Variants in MICU3 observed in about 807,000 individuals in gnomAD.
MICU3 encodes calcium uptake protein 3, mitochondrial.
In MICU3, 62 loss-of-function variants were observed where a neutral mutation model predicts 66.5. The observed-to-expected ratio is 0.93, with a 90% CI of 0.76 to 1.15. The LOEUF (loss-of-function observed/expected upper bound fraction) is 1.15, where lower values mean the gene tolerates loss of function less well. MICU3 is among the 50% of genes most tolerant of loss of function. The pLI, the probability that MICU3 is intolerant of heterozygous loss-of-function variation, is 0.00. For missense variants in MICU3, 779 were observed against 664.4 expected (o/e 1.17, Z -1.90); for synonymous variants, 308 against 240.7 (o/e 1.28, Z -2.59).
intron 1 of MICU3, among the ~76,000 whole-genome samples, chr8:17,056,298 C>T (rs999364685): frequency 4.6e-5 from 7 of 152,158 alleles, no homozygotes; most frequent in African/African-American, 1.7e-4. Flanking sequence ...TCTTTGTAAT[C>T]TCCTCTATTC....
At chr8:17,083,780 C>G (rs1182046188) in intron 5 of MICU3, among the ~76,000 whole-genome samples, 1 of 151,972 alleles carries the variant, frequency 6.6e-6, no homozygotes, top group Admixed American at 6.6e-5. Context: ...AGAGAGGGTG[C>G]AAAGGAGTGT....
At chr8:17,033,313 C>G (rs1013259288) in intron 1 of MICU3, among the ~76,000 whole-genome samples, 3 of 152,166 alleles carry the variant, frequency 2.0e-5, no homozygotes, top group Admixed American at 6.5e-5. Flanking sequence ...TGTGAACACA[C>G]AGATTATAAG....
At chr8:17,119,415 G>C (rs115462034) in intron 14 of MICU3, among the ~76,000 whole-genome samples, 1 of 151,732 alleles carries the variant, frequency 6.6e-6, no homozygotes, top group Admixed American at 6.6e-5. Flanking sequence ...ATAAAATTTT[G>C]GTCAGTTGTG....
At chr8:17,109,379 AC>A (rs1273600671) in intron 11 of MICU3, among the ~76,000 whole-genome samples, 1 of 152,168 alleles carries the variant, frequency 6.6e-6, no homozygotes, top group African/African-American at 2.4e-5. Flanking sequence ...GTACAAGGTT[AC>A]TAATTATAAT....
At chr8:17,035,621 GCTAT>G (rs1812839690) in intron 1 of MICU3, among the ~76,000 whole-genome samples, 1 of 152,164 alleles carries the variant, frequency 6.6e-6, no homozygotes, top group Non-Finnish European at 1.5e-5. Context: ...GATAATTTTG[GCTAT>G]CTGTTGGAAG....
At chr8:17,090,153 G>A (rs151168636) in intron 7 of MICU3, among the ~76,000 whole-genome samples, 21 of 152,114 alleles carry the variant, frequency 1.4e-4, no homozygotes, top group African/African-American at 4.8e-4. Context: ...CAGGATTCCA[G>A]CACAGGTCTC....
At chr8:17,046,356 A>T (rs537216022) in intron 1 of MICU3, among the ~76,000 whole-genome samples, 20 of 152,298 alleles carry the variant, frequency 1.3e-4, no homozygotes, top group Non-Finnish European at 5.9e-5. Context: ...ATTTGGTCAC[A>T]GAAGTCTTCT....
intron 1 of MICU3, among the ~76,000 whole-genome samples, chr8:17,035,027 C>A (rs117024524): frequency 1.3e-5 from 2 of 152,124 alleles, no homozygotes; most frequent in African/African-American, 4.8e-5. Context: ...GTTTTTCCCA[C>A]GCTGTCATCA....
At chr8:17,077,908 T>A in intron 4 of MICU3, 47 bp downstream of exon 4, 1 of 1,158,350 alleles carries the variant, frequency 8.6e-7, no homozygotes, top group Non-Finnish European at 1.2e-6. Flanking sequence ...ATATTATGTA[T>A]ACTATTTATA....
chr8:17,096,970 TG>T, intron 8 of MICU3, among the ~76,000 whole-genome samples: 1 of 149,840 alleles, frequency 6.7e-6, no homozygotes, highest in Non-Finnish European at 1.5e-5. Context: ...TGTGTGTGTG[TG>T]TGTGTGTGTG....
chr8:17,110,746 G>C (rs1054317080), intron 11 of MICU3, among the ~76,000 whole-genome samples: 1 of 151,474 alleles, frequency 6.6e-6, no homozygotes, highest in South Asian at 2.1e-4. Context: ...TGGGGAGGGG[G>C]GGGTAGAGAC....
At chr8:17,083,416 G>A (rs946254867) in intron 5 of MICU3, among the ~76,000 whole-genome samples, 1 of 152,052 alleles carries the variant, frequency 6.6e-6, no homozygotes, top group Non-Finnish European at 1.5e-5. Flanking sequence ...TCCTACAAAG[G>A]CAATCTAGTC....
rs75703787 is a variant in MICU3, at chr8:17,054,973, G to A, written c.382-9111G>A. On this transcript the variant is annotated intron_variant, in intron 1 of 14. Coordinates refer to ENST00000318063, the MANE Select transcript of MICU3 (RefSeq NM_181723.3). ...AGGATGGTCTCGATCTCCTGACCCC[G>A]TGATCCGCCTGCCTCAGCCTCCTAA... 2.9e-4 allele frequency among the ~76,000 whole-genome samples: 44 copies of A among 152,032 alleles called. No homozygotes were observed. The East Asian group carries it at 2.9e-3, about 10-fold the overall frequency.
At chr8:17,138,386 T>C in the MICU3 span, among the ~76,000 whole-genome samples, 1 of 152,154 alleles carries the variant, frequency 6.6e-6, no homozygotes, top group Non-Finnish European at 1.5e-5. Context: ...GAACATACCT[T>C]CAACCGTCAT....
intron 12 of MICU3, among the ~76,000 whole-genome samples, chr8:17,115,752 A>G (rs958124649): frequency 2.6e-5 from 4 of 152,112 alleles, no homozygotes; most frequent in Admixed American, 6.5e-5. Context: ...CCAATTGCCT[A>G]TTGAAGAATG....
chr8:17,138,299 A>G, the MICU3 span, among the ~76,000 whole-genome samples: 68,183 of 151,524 alleles, frequency 0.45, 16,793 homozygotes, highest in East Asian at 0.94. Context: ...AGATAATAGC[A>G]AGATGTTATA....
At chr8:17,136,252 A>T in the MICU3 span, among the ~76,000 whole-genome samples, 1 of 152,114 alleles carries the variant, frequency 6.6e-6, no homozygotes, top group African/African-American at 2.4e-5. Flanking sequence ...TAAAGGAAAT[A>T]AAGTAGGTAT....
intron 13 of MICU3, among the ~76,000 whole-genome samples, chr8:17,118,365 T>G (rs1471520138): frequency 6.6e-6 from 1 of 152,192 alleles, no homozygotes; most frequent in African/African-American, 2.4e-5. Flanking sequence ...GGAATGATTA[T>G]ATCAAACTTA....
At chr8:17,033,421 T>C (rs1563264072) in intron 1 of MICU3, among the ~76,000 whole-genome samples, 1 of 152,120 alleles carries the variant, frequency 6.6e-6, no homozygotes, top group Non-Finnish European at 1.5e-5. Flanking sequence ...TTAATCCAGA[T>C]TAAGGCCTTA....
Sources: gnomAD v4.1 joint callset for allele counts (sites outside exome capture counted in the v4.1 genomes callset) on GRCh38, gnomAD v4.1.1 for gene constraint, MANE v1.5 for transcripts, NCBI Gene and HGNC (gene_info 2026-07-23, HGNC 2026-07-21) for gene names.